DZANK1: variants seen among roughly 807,000 people sequenced by gnomAD.
The protein encoded by DZANK1 is double zinc ribbon and ankyrin repeat domains 1.
DZANK1 carries 91 observed loss-of-function variants against 94.5 expected under a neutral mutation model. That is an observed-to-expected ratio of 0.96 (90% CI 0.81 to 1.15). DZANK1 has a LOEUF of 1.15. Ranked by LOEUF, DZANK1 falls within the 50% of genes most tolerant of loss-of-function variation. The pLI is 0.00. For synonymous variants in DZANK1, 312 were observed against 325.3 expected, an observed-to-expected ratio of 0.96 and a Z score of 0.44; for missense variants, 903 against 916.4, an observed-to-expected ratio of 0.99 and a Z score of 0.19.
chr20:18,409,118 T>C (rs1044041027), intron 13 of DZANK1, among the ~76,000 whole-genome samples: 2 of 152,180 alleles, frequency 1.3e-5, no homozygotes, highest in African/African-American at 4.8e-5. Context: ...ATATCTCACG[T>C]ACCCCATAAA....
At chr20:18,406,836 C>T (rs904805821) in intron 13 of DZANK1, among the ~76,000 whole-genome samples, 13 of 152,132 alleles carry the variant, frequency 8.5e-5, no homozygotes, top group Admixed American at 4.6e-4. Context: ...GGGTGAGTCC[C>T]AGGCCTGGAA....
intron 7 of DZANK1, 44 bp downstream of exon 7, chr20:18,448,940 T>A: frequency 6.8e-7 from 1 of 1,481,184 alleles, no homozygotes; most frequent in Non-Finnish European, 9.4e-7. Flanking sequence ...CCATGATGTA[T>A]CTTTGTAGGA....
chr20:18,434,959 A>G (rs919153711), intron 8 of DZANK1, among the ~76,000 whole-genome samples: 7 of 152,174 alleles, frequency 4.6e-5, no homozygotes, highest in Non-Finnish European at 5.9e-5. Context: ...GAGTTCCAGG[A>G]GGTAATTCAA....
chr20:18,428,212 G>A (rs1323221463), intron 9 of DZANK1, among the ~76,000 whole-genome samples: 5 of 149,240 alleles, frequency 3.4e-5, no homozygotes, highest in South Asian at 2.1e-4. Flanking sequence ...TTTTTGAGAC[G>A]GAATCTCCTT....
chr20:18,417,825 C>G (rs2057564176), intron 10 of DZANK1, among the ~76,000 whole-genome samples: 1 of 152,102 alleles, frequency 6.6e-6, no homozygotes, highest in African/African-American at 2.4e-5. Flanking sequence ...GTGGCTCACA[C>G]CTGTAATCCC....
At chr20:18,394,560 G>T in intron 15 of DZANK1, 1 of 683,380 alleles carries the variant, frequency 1.5e-6, no homozygotes, top group Non-Finnish European at 2.7e-6. Flanking sequence ...GCTCAGTCTG[G>T]CCCCTCCTCC....
chr20:18,399,927 CAG>C (rs2056579905), intron 13 of DZANK1, among the ~76,000 whole-genome samples: 1 of 152,172 alleles, frequency 6.6e-6, no homozygotes, highest in African/African-American at 2.4e-5. Flanking sequence ...TGAAAGCAAT[CAG>C]AGGGATTTTC....
Position 18,393,899 on chromosome 20 carries a change from A to T in DZANK1, c.1709-88T>A. The stretch of plus-strand genomic sequence containing the variant: ...ATTTCTTACTTCCACGTCCCTCAAA[A>T]GTCAGAGGATAAAATGGCTATCATA... On this transcript the variant is annotated intron_variant, in intron 16 of 20. Coordinates refer to ENST00000262547, the Ensembl canonical transcript of DZANK1. 3.3e-6 allele frequency: 3 copies of T among 912,438 alleles called. No individual in the cohort carries two copies. The South Asian group carries it at 4.6e-5, about 14-fold the overall frequency. The allele number at this position is 912,438 out of a possible 1,614,324, so 56.5% of individuals were successfully genotyped here.
intron 3 of DZANK1, among the ~76,000 whole-genome samples, chr20:18,459,304 GT>G (rs1568554937): frequency 6.6e-6 from 1 of 152,136 alleles, no homozygotes; most frequent in East Asian, 1.9e-4. Context: ...TAAAGGGGTT[GT>G]TTTGTTTCAT....
At chr20:18,394,118 G>T in intron 16 of DZANK1, 136 bp downstream of exon 16, 1 of 767,888 alleles carries the variant, frequency 1.3e-6, no homozygotes, top group Non-Finnish European at 2.1e-6. Context: ...AGAGAAGCCA[G>T]AGAAATAAAA....
At chr20:18,463,704 T>C (rs1156413455) in intron 2 of DZANK1, among the ~76,000 whole-genome samples, 1 of 152,180 alleles carries the variant, frequency 6.6e-6, no homozygotes, top group Non-Finnish European at 1.5e-5. Flanking sequence ...CATTAAAATG[T>C]TTAATTTGGT....
intron 17 of DZANK1, among the ~76,000 whole-genome samples, chr20:18,393,412 C>T (rs994127395): frequency 6.6e-6 from 1 of 152,168 alleles, no homozygotes; most frequent in South Asian, 2.1e-4. Flanking sequence ...ATTTGTCAAA[C>T]GACCAGACAA....
intron 6 of DZANK1, 133 bp downstream of exon 6, chr20:18,452,482 C>T (rs1259812750): frequency 1.4e-5 from 15 of 1,056,518 alleles, no homozygotes; most frequent in Non-Finnish European, 2.0e-5. Context: ...TTGTCCAGTA[C>T]AGTATTCCCA....
At chr20:18,455,473 G>C (rs2059255209) in intron 3 of DZANK1, 112 bp from the exon 4 acceptor site, 1 of 725,264 alleles carries the variant, frequency 1.4e-6, no homozygotes, top group Non-Finnish European at 2.3e-6. Flanking sequence ...TAAATTTATT[G>C]TATTTCAAAT....
chr20:18,414,320 C>G, intron 12 of DZANK1, 28 bp downstream of exon 12: 1 of 1,611,750 alleles, frequency 6.2e-7, no homozygotes, highest in Non-Finnish European at 8.5e-7. Flanking sequence ...TTCCTGGGTA[C>G]CAGTTCTTAC....
intron 8 of DZANK1, among the ~76,000 whole-genome samples, chr20:18,437,471 CA>C (rs1217328059): frequency 6.6e-6 from 1 of 151,964 alleles, no homozygotes; most frequent in Non-Finnish European, 1.5e-5. Flanking sequence ...CCCAGCAACT[CA>C]GGAGGCTAAG....
chr20:18,461,464 T>C (rs909839178), intron 2 of DZANK1, among the ~76,000 whole-genome samples: 1 of 152,206 alleles, frequency 6.6e-6, no homozygotes, highest in Admixed American at 6.5e-5. Flanking sequence ...TCTTCTTTTT[T>C]CCTTTTCTTT....
chr20:18,412,964 G>C (rs1290944071), intron 12 of DZANK1, 111 bp from the exon 13 acceptor site: 11 of 1,058,092 alleles, frequency 1.0e-5, no homozygotes, highest in Admixed American at 2.6e-5. Flanking sequence ...CAAGAAAAGT[G>C]TACTTGGAAC....
intron 8 of DZANK1, 91 bp downstream of exon 8, chr20:18,443,256 T>A: frequency 8.3e-6 from 7 of 844,366 alleles, no homozygotes; most frequent in South Asian, 1.5e-5. Flanking sequence ...TATTTATATG[T>A]GCAGTTCATG....
Sources: gnomAD v4.1 joint callset for allele counts (sites outside exome capture counted in the v4.1 genomes callset) on GRCh38, gnomAD v4.1.1 for gene constraint, MANE v1.5 for transcripts, NCBI Gene and HGNC (gene_info 2026-07-23, HGNC 2026-07-21) for gene names.